Variants in CD46 observed in about 807,000 individuals in gnomAD.
CD46 encodes CD46 molecule.
In CD46, 30 loss-of-function variants were observed where a neutral mutation model predicts 53.3. The observed-to-expected ratio is 0.56, with a 90% CI of 0.42 to 0.76. CD46 has a LOEUF of 0.76. CD46 is among the 30% of genes least tolerant of loss of function. CD46 has a pLI of 0.00. For missense variants in CD46, 409 were observed against 463.0 expected (o/e 0.88, Z 1.07); for synonymous variants, 142 against 152.0 (o/e 0.93, Z 0.48).
chr1:207,775,370 A>C (rs139382466), intron 8 of CD46, among the ~76,000 whole-genome samples: 1 of 152,114 alleles, frequency 6.6e-6, no homozygotes, highest in Non-Finnish European at 1.5e-5. Flanking sequence ...TCTGAAACCT[A>C]CTTCTGTTAA....
intron 3 of CD46, among the ~76,000 whole-genome samples, chr1:207,758,749 T>C (rs905171087): frequency 6.6e-6 from 1 of 152,326 alleles, no homozygotes; most frequent in African/African-American, 2.4e-5. Context: ...TGACAGTTTT[T>C]AAAATTTGGT....
At chr1:207,755,972 C>T (rs1655492431) in intron 1 of CD46, among the ~76,000 whole-genome samples, 1 of 152,090 alleles carries the variant, frequency 6.6e-6, no homozygotes, top group Non-Finnish European at 1.5e-5. Flanking sequence ...TGGAGTTGGC[C>T]TTGTTAACTA....
rs142506924 is a variant in CD46, at chr1:207,758,703, T to C, written c.390-936T>C. Among the ~76,000 whole-genome samples, 557 of 152,176 alleles carry C rather than the reference T, an allele frequency of 3.7e-3. 4 individuals are homozygous for C. The highest frequency in any genetic ancestry group is 0.014 in the Middle Eastern group (4 of 294). ...ATAATATAGAAAAAGTAAGTGAGTC[T>C]TGGAGGAAAAATCAGCTGTGACTAT... On this transcript the variant is annotated intron_variant, in intron 3 of 12. Coordinates refer to ENST00000367042, the MANE Select transcript of CD46 (RefSeq NM_172351.3).
In CD46 at chr1:207,785,061, T is replaced by C. The variant is rs755145933; in HGVS notation, c.983-10T>C. ...TGTGTTCAACATCTTGGAACTGTTT[T>C]CTTTCTCAGATGTTTGGGTCATTGC... On this transcript the variant is annotated splice_polypyrimidine_tract_variant and intron_variant, in intron 9 of 12. Transcript: ENST00000367042. 6.2e-7 allele frequency: 1 copy of C among 1,610,930 alleles called. No homozygotes were observed. The highest frequency in any genetic ancestry group is 1.1e-5 in the South Asian group (1 of 90,900).
chr1:207,771,794 CTGTAGCCT>C (rs1657534017), intron 8 of CD46, among the ~76,000 whole-genome samples: 1 of 152,204 alleles, frequency 6.6e-6, no homozygotes, highest in African/African-American at 2.4e-5. Context: ...GTTTTGGTCA[CTGTAGCCT>C]TGTAGTATAG....
At position 207,759,527 on chromosome 1, in the gene CD46, C is replaced by T. The variant is rs565761078; in HGVS notation, c.390-112C>T. 3 of 654,310 alleles carry T rather than the reference C, an allele frequency of 4.6e-6. No homozygotes were observed. The East Asian group carries it at 8.3e-5, about 18-fold the overall frequency. The allele number at this position is 654,310 out of a possible 1,614,324, so 40.5% of individuals were successfully genotyped here. A position where few individuals can be genotyped will look rare whatever the true frequency, so the allele number is the denominator to read the frequency against. On this transcript the variant is annotated intron_variant, in intron 3 of 12. Coordinates refer to ENST00000367042, the MANE Select transcript of CD46 (RefSeq NM_172351.3). The stretch of plus-strand genomic sequence containing the variant: ...ATATAGTATGTTGTTTAAGAAACCA[C>T]CCCCTCAAACTACTGTAGTGTAGAA...
chr1:207,759,771 AT>A, intron 4 of CD46, 47 bp downstream of exon 4: 1 of 1,141,238 alleles, frequency 8.8e-7, no homozygotes. Flanking sequence ...GTCCTCAAAG[AT>A]TTTTGCCTCC....
intron 8 of CD46, among the ~76,000 whole-genome samples, chr1:207,779,135 G>A (rs1370302424): frequency 6.6e-6 from 1 of 152,102 alleles, no homozygotes; most frequent in Non-Finnish European, 1.5e-5. Context: ...TATTGATTTT[G>A]TATCCTGCAA....
chr1:207,791,554 T>C (rs1659800764), intron 12 of CD46, among the ~76,000 whole-genome samples: 1 of 152,076 alleles, frequency 6.6e-6, no homozygotes, highest in African/African-American at 2.4e-5. Flanking sequence ...AGGGATGGAG[T>C]GGGACAGTGT....
chr1:207,763,971 T>C (rs1656552999), intron 5 of CD46, among the ~76,000 whole-genome samples: 1 of 151,796 alleles, frequency 6.6e-6, no homozygotes, highest in Admixed American at 6.6e-5. Context: ...TTTTTTTTTT[T>C]TGTCATTGGA....
At chr1:207,786,931 A>C (rs576288355) in intron 11 of CD46, among the ~76,000 whole-genome samples, 1 of 152,360 alleles carries the variant, frequency 6.6e-6, no homozygotes, top group East Asian at 1.9e-4. Context: ...CGTAGAAACA[A>C]GTTCTAAAGA....
intron 5 of CD46, among the ~76,000 whole-genome samples, chr1:207,765,714 A>T (rs923063079): frequency 6.6e-6 from 1 of 152,226 alleles, no homozygotes; most frequent in African/African-American, 2.4e-5. Context: ...AAACTCTCAT[A>T]TACTGATGGT....
chr1:207,762,089 A>G (rs978149114), intron 5 of CD46, among the ~76,000 whole-genome samples: 4 of 152,218 alleles, frequency 2.6e-5, no homozygotes, highest in Non-Finnish European at 5.9e-5. Context: ...CATTATCACA[A>G]TAGAATGAAA....
chr1:207,787,777 C>T (rs1659406742), intron 11 of CD46, among the ~76,000 whole-genome samples: 1 of 152,160 alleles, frequency 6.6e-6, no homozygotes, highest in South Asian at 2.1e-4. Context: ...GAATCCAAAG[C>T]TAGGCTCTCT....
At chr1:207,770,185 A>G (rs1257434080) in intron 7 of CD46, 136 bp from the exon 8 acceptor site, 4 of 705,650 alleles carry the variant, frequency 5.7e-6, no homozygotes, top group African/African-American at 5.4e-5. Flanking sequence ...GTTAAATTCT[A>G]AGATGTGGAA....
In CD46 at chr1:207,757,657, AG is replaced by A. The variant is rs1310626559; in HGVS notation, c.389+16del. The A allele has an allele frequency of 1.4e-6, 2 of 1,429,208 alleles. No individual in the cohort carries two copies. Among genetic ancestry groups the A allele is most frequent in the Admixed American group, 3.4e-5 (2 of 58,316 alleles). The allele number at this position is 1,429,208 out of a possible 1,614,324, so 88.5% of individuals were successfully genotyped here. On this transcript the variant is annotated intron_variant, in intron 3 of 12. Transcript: ENST00000367042. The stretch of plus-strand genomic sequence containing the variant: ...TGTAATGAGGGGTAAGTTGCTCCTT[AG>A]AGGAAATAAGGGAAGTGTTAGTAAT...
Position 207,752,122 on chromosome 1 carries a change from A to G in CD46, c.-91A>G, listed in dbSNP as rs1654966918. On this transcript the variant is annotated 5_prime_UTR_variant, in exon 1 of 13. Coordinates refer to ENST00000367042, the MANE Select transcript of CD46 (RefSeq NM_172351.3). This position sits in a 1 kb window ranked among gnomAD's most constrained non-coding sequence, Gnocchi z 4.1. ...TGTGAGTTGGGGATTGTTGCGTCCCATATCTGGACCCAGAAGGGACTTCCC... is the reference window on the plus strand; with the variant it reads ...TGTGAGTTGGGGATTGTTGCGTCCCGTATCTGGACCCAGAAGGGACTTCCC... The G allele has an allele frequency of 2.5e-6, 3 of 1,182,478 alleles. No homozygotes were observed. The highest frequency in any genetic ancestry group is 3.0e-5 in the African/African-American group (2 of 66,744). 73.2% of individuals were successfully genotyped at this position (1,182,478 alleles called of 1,614,324 possible).
intron 8 of CD46, among the ~76,000 whole-genome samples, chr1:207,770,864 C>G (rs1032156304): frequency 6.6e-6 from 1 of 152,116 alleles, no homozygotes; most frequent in African/African-American, 2.4e-5. Context: ...AATAAACATA[C>G]GTGTGCATGT....
Position 207,754,694 on chromosome 1 carries a change from G to A in CD46, c.98-2320G>A, listed in dbSNP as rs1372688567. On this transcript the variant is annotated intron_variant, in intron 1 of 12. Coordinates refer to ENST00000367042, the MANE Select transcript of CD46 (RefSeq NM_172351.3). Reference sequence around the variant, plus strand: ...CTTTCTGCGGTACCTAAAAAGCTAGGGCAGTGGCAGCTGAGAGCCAGAAAG... The same window carrying A: ...CTTTCTGCGGTACCTAAAAAGCTAGAGCAGTGGCAGCTGAGAGCCAGAAAG... 3.9e-5 allele frequency among the ~76,000 whole-genome samples: 6 copies of A among 152,050 alleles called. No individual in the cohort carries two copies. In the South Asian group the frequency reaches 1.0e-3, roughly 26 times the overall value.
Sources: allele counts gnomAD v4.1 joint callset (sites outside exome capture counted in the v4.1 genomes callset), GRCh38; gene constraint gnomAD v4.1.1; non-coding constraint Gnocchi (gnomAD v3.1); transcripts MANE v1.5; gene names NCBI Gene and HGNC (gene_info 2026-07-23, HGNC 2026-07-21).